The following MAX variants were observed in gnomAD, a reference collection of about 807,000 sequenced individuals.
MAX encodes MYC associated transcriptional regulator X.
In MAX, 3 loss-of-function variants were observed where a neutral mutation model predicts 22.3. The observed-to-expected ratio is 0.13, with a 90% CI of 0.06 to 0.35. The LOEUF is 0.35. Ranked by LOEUF, MAX falls within the 10% of genes least tolerant of loss-of-function variation. MAX has a pLI of 1.00. For missense variants in MAX, 119 were observed against 209.4 expected (o/e 0.57, Z 2.66); for synonymous variants, 72 against 77.7 (o/e 0.93, Z 0.39).
At chr14:65,008,437 C>T (rs1036076246) in intron 3 of MAX, among the ~76,000 whole-genome samples, 9 of 152,224 alleles carry the variant, frequency 5.9e-5, no homozygotes, top group Admixed American at 5.2e-4. Context: ...AGCCCTGGGC[C>T]TGCCCCTGCT....
chr14:65,025,776 G>A (rs931585820), intron 3 of MAX, among the ~76,000 whole-genome samples: 4 of 152,140 alleles, frequency 2.6e-5, no homozygotes, highest in African/African-American at 9.7e-5. Flanking sequence ...TGATTATGCC[G>A]CTGTCCTGCA....
rs1374067958 is a variant in MAX at position 65,029,801 on chromosome 14, G to T, written c.172-23517C>A. Among the ~76,000 whole-genome samples the T allele has an allele frequency of 2.0e-5, 3 of 152,178 alleles. No individual in the cohort carries two copies. Among genetic ancestry groups the T allele is most frequent in the Non-Finnish European group, 2.9e-5 (2 of 68,022 alleles). ...AATCTCCTATGGAGTCTGGAGTTTA[G>T]TGATGTGATCTGATTTGTATTTTCT... On this transcript the variant is annotated intron_variant, in intron 3 of 3. Transcript: ENST00000341653. The surrounding 1 kb of genome is among the most constrained non-coding windows in gnomAD (Gnocchi z 4.7).
intron 3 of MAX, chr14:65,083,662 T>C: frequency 1.1e-6 from 1 of 931,580 alleles, no homozygotes; most frequent in Non-Finnish European, 1.3e-6. Context: ...CAGATGCCAG[T>C]GGGCTGATGT....
In MAX at chr14:65,044,449, C is replaced by T. The variant is rs1206043315; in HGVS notation, c.172-38165G>A. On this transcript the variant is annotated intron_variant, in intron 3 of 3. Transcript: ENST00000341653. This position sits in a 1 kb window ranked among gnomAD's most constrained non-coding sequence, Gnocchi z 5.5. ...CCGCGCACTGCACGCCCAAGGTGAG[C>T]CTGGGGAGCTGTTCACTTGGGGCTG... 6.3e-7 allele frequency: 1 copy of T among 1,598,892 alleles called. No individual in the cohort carries two copies. The highest frequency in any genetic ancestry group is 1.3e-5 in the African/African-American group (1 of 74,128).
At position 65,069,479 on chromosome 14, in the gene MAX, A is replaced by C. The variant is rs1311268676; in HGVS notation, c.171+24229T>G. On this transcript the variant is annotated intron_variant, in intron 3 of 3. Coordinates refer to the MAX transcript ENST00000341653. The surrounding 1 kb of genome is among the most constrained non-coding windows in gnomAD (Gnocchi z 4.6). ...CCTAACCTCATCTCTAAGCTTCTTCAAGGCAAGGCCCAGCCTTTATAAGCT... is the reference window on the plus strand; with the variant it reads ...CCTAACCTCATCTCTAAGCTTCTTCCAGGCAAGGCCCAGCCTTTATAAGCT... Among the ~76,000 whole-genome samples the C allele has an allele frequency of 6.6e-6, 1 of 152,190 alleles. No homozygotes were observed. Among genetic ancestry groups the C allele is most frequent in the Non-Finnish European group, 1.5e-5 (1 of 68,026 alleles).
At chr14:65,096,721 A>T (rs1032699186) in intron 2 of MAX, among the ~76,000 whole-genome samples, 5 of 152,246 alleles carry the variant, frequency 3.3e-5, no homozygotes, top group African/African-American at 9.6e-5. Context: ...TTAAAAAACA[A>T]GCCCAAACAA....
chr14:65,093,840 AT>A lies in MAX; in HGVS notation c.64-26del. On this transcript the variant is annotated intron_variant, in intron 2 of 4. Coordinates refer to ENST00000358664, the MANE Select transcript of MAX (RefSeq NM_002382.5). The surrounding 1 kb of genome is among the most constrained non-coding windows in gnomAD (Gnocchi z 4.4). ...CCTAGAAGAATGGGAGAAAGAACAC[AT>A]TAGGAATGTCACTCCTTTTGCTTGG... The A allele has an allele frequency of 7.8e-7, 1 of 1,290,054 alleles. No homozygotes were observed. Among genetic ancestry groups the A allele is most frequent in the Non-Finnish European group, 1.1e-6 (1 of 883,882 alleles). 79.9% of individuals were successfully genotyped at this position (1,290,054 alleles called of 1,614,324 possible). A position where few individuals can be genotyped will look rare whatever the true frequency, so the allele number is the denominator to read the frequency against.
chr14:65,058,109 A>G (rs891943087), intron 3 of MAX, among the ~76,000 whole-genome samples: 28 of 141,170 alleles, frequency 2.0e-4, no homozygotes, highest in African/African-American at 7.9e-4. Context: ...GAGAGAACCA[A>G]CTTTTTTTTT....
At chr14:65,068,502 C>G (rs895082852) in intron 3 of MAX, among the ~76,000 whole-genome samples, 1 of 152,188 alleles carries the variant, frequency 6.6e-6, no homozygotes, top group Non-Finnish European at 1.5e-5. Context: ...CATAAACTAC[C>G]CGGAATTCTA....
chr14:65,091,062 GA>G (rs1479769460), intron 3 of MAX, among the ~76,000 whole-genome samples: 1 of 152,184 alleles, frequency 6.6e-6, no homozygotes, highest in African/African-American at 2.4e-5. Context: ...GGAACACAGA[GA>G]GACCCAAATC....
At chr14:65,095,030 T>G (rs2763887) in intron 2 of MAX, among the ~76,000 whole-genome samples, 145,694 of 152,364 alleles carry the variant, frequency 0.96, 69,717 homozygotes, top group East Asian at 1. Context: ...TGCCTCACAT[T>G]AATCCTTGTA....
intron 3 of MAX, among the ~76,000 whole-genome samples, chr14:65,026,224 A>G (rs770772293): frequency 8.5e-5 from 13 of 152,192 alleles, no homozygotes; most frequent in Non-Finnish European, 1.8e-4. Context: ...CTGTGGAGAA[A>G]CAGCTTGATA....
At chr14:65,021,027 G>A (rs997992084) in intron 3 of MAX, among the ~76,000 whole-genome samples, 4 of 152,312 alleles carry the variant, frequency 2.6e-5, no homozygotes, top group East Asian at 1.9e-4. Context: ...ACCGCACCCG[G>A]CCTAGCTTCC....
At chr14:65,038,066 G>A (rs1277036758) in intron 3 of MAX, among the ~76,000 whole-genome samples, 2 of 152,050 alleles carry the variant, frequency 1.3e-5, no homozygotes, top group South Asian at 2.1e-4. Context: ...CACCTGGCCA[G>A]CCTTTTAAAA....
rs568724731 is a variant in MAX, at chr14:65,077,273, T to C, written c.296-610A>G. 90 of 1,197,584 alleles carry C rather than the reference T, an allele frequency of 7.5e-5. No individual in the cohort carries two copies. In the African/African-American group the frequency reaches 1.2e-3, roughly 17 times the overall value. The allele number at this position is 1,197,584 out of a possible 1,614,324, so 74.2% of individuals were successfully genotyped here. Reference sequence around the variant, plus strand: ...CCCTTGGTTCAGCTCAGCTTGAGCCTGGAAGGTCAACCCATTTAATTTATT... The same window carrying C: ...CCCTTGGTTCAGCTCAGCTTGAGCCCGGAAGGTCAACCCATTTAATTTATT... On this transcript the variant is annotated intron_variant, in intron 4 of 4. Coordinates refer to ENST00000358664, the MANE Select transcript of MAX (RefSeq NM_002382.5). The surrounding 1 kb of genome is among the most constrained non-coding windows in gnomAD (Gnocchi z 6.3).
rs943576295 is a variant in MAX, at chr14:65,009,269, A to G, written c.172-2985T>C. Among the ~76,000 whole-genome samples, 2 of 152,170 alleles carry G rather than the reference A, an allele frequency of 1.3e-5. No homozygotes were observed. Among genetic ancestry groups the G allele is most frequent in the African/African-American group, 4.8e-5 (2 of 41,430 alleles). On this transcript the variant is annotated intron_variant, in intron 3 of 3. Transcript: ENST00000341653. This position sits in a 1 kb window ranked among gnomAD's most constrained non-coding sequence, Gnocchi z 4.2. The stretch of plus-strand genomic sequence containing the variant: ...TTCTGGAGGCCAGAAGTCTAAGACC[A>G]AGGTGTCAGCAGGCTTGGTTTCTCC...
intron 3 of MAX, among the ~76,000 whole-genome samples, chr14:65,033,508 G>A (rs1448291383): frequency 6.6e-6 from 1 of 152,172 alleles, no homozygotes; most frequent in African/African-American, 2.4e-5. Context: ...TTAGATACGT[G>A]TATGTTCTAT....
At chr14:65,036,127 C>T (rs560125142) in intron 3 of MAX, among the ~76,000 whole-genome samples, 45 of 152,214 alleles carry the variant, frequency 3.0e-4, no homozygotes, top group African/African-American at 1.1e-3. Flanking sequence ...GCCACGATGG[C>T]CAGCCTGCCA....
chr14:65,091,245 A>G (rs757779103), intron 3 of MAX, among the ~76,000 whole-genome samples: 17 of 152,216 alleles, frequency 1.1e-4, no homozygotes, highest in Non-Finnish European at 2.2e-4. Flanking sequence ...GAGAACTGAT[A>G]AGTCTAAGGG....
Sources: gnomAD v4.1 joint callset for allele counts (sites outside exome capture counted in the v4.1 genomes callset) on GRCh38, gnomAD v4.1.1 for gene constraint, Gnocchi (gnomAD v3.1) non-coding constraint, MANE v1.5 for transcripts, NCBI Gene and HGNC (gene_info 2026-07-23, HGNC 2026-07-21) for gene names.